Variants in NLGN1 observed in about 807,000 individuals in gnomAD.
The protein encoded by NLGN1 is neuroligin 1.
In NLGN1, 12 loss-of-function variants were observed where a neutral mutation model predicts 65.5. The ratio of observed to expected loss-of-function variants is 0.18; its 90% CI spans 0.12 to 0.30. The LOEUF (loss-of-function observed/expected upper bound fraction) is 0.30. Ranked by LOEUF, NLGN1 falls within the 10% of genes least tolerant of loss-of-function variation. The pLI, the probability that NLGN1 is intolerant of heterozygous loss-of-function variation, is 1.00. For synonymous variants in NLGN1, 350 were observed against 359.5 expected (o/e 0.97, Z 0.30); for missense variants, 750 against 1,007.1 (o/e 0.74, Z 3.46).
intron 4 of NLGN1, among the ~76,000 whole-genome samples, chr3:173,820,476 C>G (rs1211462959): frequency 2.0e-5 from 3 of 152,106 alleles, no homozygotes; most frequent in Non-Finnish European, 4.4e-5. Context: ...CAGTAATCCC[C>G]CCTTATCCAC....
intron 4 of NLGN1, among the ~76,000 whole-genome samples, chr3:173,881,800 A>G (rs1048855135): frequency 6.6e-6 from 1 of 152,104 alleles, no homozygotes; most frequent in African/African-American, 2.4e-5. Flanking sequence ...ATTGGAATCA[A>G]CTTTTTCTGC....
chr3:173,753,334 T>C (rs1776587095), intron 3 of NLGN1, among the ~76,000 whole-genome samples: 1 of 152,152 alleles, frequency 6.6e-6, no homozygotes, highest in Admixed American at 6.6e-5. Flanking sequence ...ACCCAAACTC[T>C]TCTTTCTTCT....
chr3:174,179,439 A>G (rs2152744602), intron 4 of NLGN1, among the ~76,000 whole-genome samples: 1 of 152,250 alleles, frequency 6.6e-6, no homozygotes. Context: ...AAACATCAGT[A>G]TTCAGACAGC....
chr3:173,656,919 G>A (rs566175589), intron 3 of NLGN1, among the ~76,000 whole-genome samples: 14 of 152,158 alleles, frequency 9.2e-5, no homozygotes, highest in African/African-American at 3.1e-4. Flanking sequence ...CAACTGACAA[G>A]TTGACAGCTT....
chr3:173,449,041 G>A (rs1720959759), intron 2 of NLGN1, among the ~76,000 whole-genome samples: 1 of 152,006 alleles, frequency 6.6e-6, no homozygotes, highest in African/African-American at 2.4e-5. Flanking sequence ...TTTTTGAAGG[G>A]TTTTTTGTGT....
intron 4 of NLGN1, among the ~76,000 whole-genome samples, chr3:173,991,536 A>T (rs945977266): frequency 1.3e-5 from 2 of 152,174 alleles, no homozygotes; most frequent in Non-Finnish European, 2.9e-5. Context: ...AGCACTTGAT[A>T]TGTGGTTTGT....
At chr3:173,451,263 A>T (rs1312086734) in intron 2 of NLGN1, among the ~76,000 whole-genome samples, 5 of 151,974 alleles carry the variant, frequency 3.3e-5, no homozygotes, top group Non-Finnish European at 7.4e-5. Flanking sequence ...TCTGTTTGTT[A>T]GTTTTCCTTT....
intron 4 of NLGN1, among the ~76,000 whole-genome samples, chr3:174,008,956 T>C (rs1724982606): frequency 6.6e-6 from 1 of 152,198 alleles, no homozygotes; most frequent in Non-Finnish European, 1.5e-5. Context: ...ACATGAAAGA[T>C]ACTAAATTAC....
In NLGN1 at chr3:174,279,623, C is replaced by T. The variant is rs202126822; in HGVS notation, c.1622C>T (p.Thr541Ile). ...GTGATGCTGAGTGCAGTTGTAATGA[C>T]ATACTGGACAAATTTTGCTAAAACT... Residue 541 changes from threonine (T) to isoleucine (I), a missense_variant, in exon 6 of 7, where the codon ACA becomes ATA. Thr to Ile is a moderately conservative substitution (Grantham distance 89). Transcript: ENST00000457714. The surrounding 1 kb of genome is among the most constrained non-coding windows in gnomAD (Gnocchi z 4.7). 1.8e-5 allele frequency: 29 copies of T among 1,606,438 alleles called. No homozygotes were observed. The highest frequency in any genetic ancestry group is 4.3e-6 in the Non-Finnish European group (5 of 1,175,062).
chr3:173,858,131 A>C (rs986545863), intron 4 of NLGN1, among the ~76,000 whole-genome samples: 4 of 152,100 alleles, frequency 2.6e-5, no homozygotes, highest in African/African-American at 9.7e-5. Context: ...TATTTCAAGA[A>C]CCTTATTTTG....
At chr3:173,676,368 A>G (rs1011190710) in intron 3 of NLGN1, among the ~76,000 whole-genome samples, 2 of 152,134 alleles carry the variant, frequency 1.3e-5, no homozygotes, top group Non-Finnish European at 2.9e-5. Flanking sequence ...GAGCTCTGCT[A>G]TATTCCAAAT....
chr3:174,173,426 G>A (rs1281383209), intron 4 of NLGN1, among the ~76,000 whole-genome samples: 1 of 151,980 alleles, frequency 6.6e-6, no homozygotes, highest in East Asian at 1.9e-4. Context: ...CGCTTTCAGT[G>A]TGATATTAGC....
intron 4 of NLGN1, among the ~76,000 whole-genome samples, chr3:174,155,262 T>C (rs1216063929): frequency 2.0e-5 from 3 of 151,428 alleles, no homozygotes; most frequent in African/African-American, 7.3e-5. Flanking sequence ...GCTGTTTATG[T>C]TTTTTTCTTT....
intron 3 of NLGN1, among the ~76,000 whole-genome samples, chr3:173,677,291 C>T (rs1269430193): frequency 1.3e-5 from 2 of 151,988 alleles, no homozygotes; most frequent in African/African-American, 2.4e-5. Context: ...GTAGTACCGT[C>T]TTGCACCTGC....
intron 4 of NLGN1, among the ~76,000 whole-genome samples, chr3:174,234,177 A>G (rs1741231716): frequency 6.6e-6 from 1 of 152,080 alleles, no homozygotes; most frequent in Admixed American, 6.6e-5. Flanking sequence ...GTAGGAGTGA[A>G]AGTTTATTAA....
chr3:173,900,104 A>G (rs1737059382), intron 4 of NLGN1, among the ~76,000 whole-genome samples: 1 of 152,134 alleles, frequency 6.6e-6, no homozygotes, highest in Non-Finnish European at 1.5e-5. Flanking sequence ...CTTTGGAGCT[A>G]TTAAAAAGAG....
intron 3 of NLGN1, among the ~76,000 whole-genome samples, chr3:173,605,971 C>G (rs1030096591): frequency 2.0e-5 from 3 of 152,012 alleles, no homozygotes; most frequent in Non-Finnish European, 4.4e-5. Context: ...TATTTGTGTT[C>G]CTCTTAGAAT....
At chr3:174,203,264 G>T (rs1486943737) in intron 4 of NLGN1, among the ~76,000 whole-genome samples, 1 of 152,074 alleles carries the variant, frequency 6.6e-6, no homozygotes, top group African/African-American at 2.4e-5. Flanking sequence ...AATTCTAATT[G>T]CTACTAAGGA....
intron 4 of NLGN1, among the ~76,000 whole-genome samples, chr3:173,982,986 T>A (rs1357294683): frequency 2.0e-5 from 3 of 152,202 alleles, no homozygotes; most frequent in African/African-American, 4.8e-5. Flanking sequence ...ATGATAGAGT[T>A]CCACATTTTT....
Sources: allele counts gnomAD v4.1 joint callset (sites outside exome capture counted in the v4.1 genomes callset), GRCh38; gene constraint gnomAD v4.1.1; non-coding constraint Gnocchi (gnomAD v3.1); transcripts MANE v1.5; gene names NCBI Gene and HGNC (gene_info 2026-07-23, HGNC 2026-07-21).